The following TANGO6 variants were observed in gnomAD, a reference collection of about 807,000 sequenced individuals.
TANGO6 encodes the protein transport and golgi organization 6 homolog.
A neutral mutation model predicts 114.2 loss-of-function variants in TANGO6; 90 were observed. The observed-to-expected ratio is 0.79, with a 90% CI of 0.66 to 0.94. The LOEUF is 0.94. Ranked by LOEUF, TANGO6 falls within the 40% of genes least tolerant of loss-of-function variation. The pLI is 0.00. For synonymous variants in TANGO6, 477 were observed against 509.8 expected (o/e 0.94, Z 0.87); for missense variants, 1,274 against 1,315.3 (o/e 0.97, Z 0.49).
At chr16:68,896,880 T>C (rs1431238732) in intron 7 of TANGO6, among the ~76,000 whole-genome samples, 1 of 152,120 alleles carries the variant, frequency 6.6e-6, no homozygotes, top group African/African-American at 2.4e-5. Context: ...TACTAGTTGG[T>C]AAATTGGTAA....
At chr16:68,892,230 C>T (rs1597008158) in intron 7 of TANGO6, among the ~76,000 whole-genome samples, 1 of 152,188 alleles carries the variant, frequency 6.6e-6, no homozygotes, top group East Asian at 1.9e-4. Flanking sequence ...CTAAGATCAT[C>T]CTATCGCTTA....
chr16:68,983,760 G>A (rs143735588), intron 15 of TANGO6, among the ~76,000 whole-genome samples: 2 of 152,228 alleles, frequency 1.3e-5, no homozygotes, highest in East Asian at 1.9e-4. Context: ...AGGGCCGGGC[G>A]CGGTGGCTCA....
chr16:68,923,819 GTT>G (rs1292285442), intron 12 of TANGO6, among the ~76,000 whole-genome samples: 2 of 151,814 alleles, frequency 1.3e-5, no homozygotes, highest in African/African-American at 4.9e-5. Flanking sequence ...GTTTTGTTTT[GTT>G]TTGTTTTGTT....
At chr16:68,895,298 G>A (rs771104816) in intron 7 of TANGO6, among the ~76,000 whole-genome samples, 13 of 152,104 alleles carry the variant, frequency 8.5e-5, no homozygotes, top group African/African-American at 2.2e-4. Flanking sequence ...GCACTGAGGC[G>A]AGATCATGCC....
At chr16:68,860,593 T>G (rs1962079108) in intron 2 of TANGO6, 69 bp downstream of exon 2, 2 of 1,539,538 alleles carry the variant, frequency 1.3e-6, no homozygotes, top group Non-Finnish European at 1.7e-6. Context: ...TATTTGTGGA[T>G]AGTTGTTATA....
rs200848528 is a variant in TANGO6 at position 68,865,917 on chromosome 16, C to CA, written c.853-1150dup. On this transcript the variant is annotated intron_variant, in intron 3 of 17. Coordinates refer to ENST00000261778, the MANE Select transcript of TANGO6 (RefSeq NM_024562.2). ...TGGGCAACAGAGCAAGACTCCGTCT[C>CA]AAAAAAAAAAAAGAAATCCAACTCT... Among the ~76,000 whole-genome samples the CA allele has an allele frequency of 8.1e-3, 1,151 of 141,276 alleles. 10 individuals carry two copies. The highest frequency in any genetic ancestry group is 0.01 in the African/African-American group (393 of 38,232). The allele number at this position is 141,276 out of a possible 152,430, so 92.7% of individuals were successfully genotyped here.
At chr16:69,036,534 T>C (rs1257495191) in intron 16 of TANGO6, among the ~76,000 whole-genome samples, 2 of 152,114 alleles carry the variant, frequency 1.3e-5, no homozygotes, top group Non-Finnish European at 2.9e-5. Flanking sequence ...TGACTGCAGA[T>C]GGGTTTGGTG....
intron 7 of TANGO6, among the ~76,000 whole-genome samples, chr16:68,893,757 CAAAAAAAAAA>C (rs796651419): frequency 1.2e-5 from 1 of 84,190 alleles, no homozygotes; most frequent in Non-Finnish European, 2.6e-5. Flanking sequence ...AGAAAACAAC[CAAAAAAAAAA>C]AAAAAAAGGA....
At chr16:69,030,315 A>G (rs936203390) in intron 16 of TANGO6, among the ~76,000 whole-genome samples, 1 of 152,028 alleles carries the variant, frequency 6.6e-6, no homozygotes, top group African/African-American at 2.4e-5. Context: ...GATGGGTGCT[A>G]TGGGAGCACC....
chr16:69,060,772 T>G (rs1268947067), intron 17 of TANGO6, among the ~76,000 whole-genome samples: 1 of 151,698 alleles, frequency 6.6e-6, no homozygotes, highest in Non-Finnish European at 1.5e-5. Flanking sequence ...GGCGGGAGGA[T>G]CACAAGGTCA....
intron 7 of TANGO6, among the ~76,000 whole-genome samples, chr16:68,881,542 CAG>C (rs1332670524): frequency 3.3e-5 from 5 of 152,154 alleles, no homozygotes; most frequent in East Asian, 3.9e-4. Context: ...AAGAAATTGA[CAG>C]GGGCTTTTTC....
In TANGO6 at chr16:68,974,057, G is replaced by A. The variant is rs757165580; in HGVS notation, c.2731G>A (p.Glu911Lys). ...TGCCCTGCTGTCAGACGTCTATCCT[G>A]AGAAAATCTTGCCGGACTTGTTGGC... ...GVALLSDVYP[E>K]KILPDLLAQY... Residue 911 changes from glutamate (E) to lysine (K), a missense_variant, in exon 15 of 18, where the codon GAG becomes AAG. This residue lies in a region of TANGO6 where 238 missense variants were observed against 252.9 expected (regional missense o/e 0.94). Transcript: ENST00000261778. The A allele has an allele frequency of 1.9e-6, 3 of 1,612,080 alleles. No homozygotes were observed. Among genetic ancestry groups the A allele is most frequent in the South Asian group, 2.2e-5 (2 of 90,646 alleles).
chr16:69,077,144 G>C (rs1427365884), intron 17 of TANGO6, among the ~76,000 whole-genome samples: 1 of 151,960 alleles, frequency 6.6e-6, no homozygotes, highest in Non-Finnish European at 1.5e-5. Context: ...TGAGCTCTAG[G>C]GATCTTCCAG....
At chr16:69,075,394 G>A (rs1038544801) in intron 17 of TANGO6, among the ~76,000 whole-genome samples, 1 of 151,822 alleles carries the variant, frequency 6.6e-6, no homozygotes, top group African/African-American at 2.4e-5. Context: ...GTTTACACAT[G>A]CATATGTATT....
intron 17 of TANGO6, among the ~76,000 whole-genome samples, chr16:69,079,882 G>T (rs1331783776): frequency 4.1e-4 from 62 of 152,254 alleles, no homozygotes; most frequent in Non-Finnish European, 5.9e-5. Flanking sequence ...CTAGATATTT[G>T]TCCTACAGAT....
rs535089292 is a variant in TANGO6 at position 68,946,508 on chromosome 16, A to G, written c.2701+16213A>G. Among the ~76,000 whole-genome samples the G allele has an allele frequency of 2.6e-5, 4 of 151,856 alleles. No homozygotes were observed. In the South Asian group the frequency reaches 8.3e-4, roughly 32 times the overall value. On this transcript the variant is annotated intron_variant, in intron 14 of 17. Transcript: ENST00000261778. ...CGCGCCCGGCCTTTTCTTTTCTTTT[A>G]AGACAGGGTCTTACTCTCACCCAAG...
At chr16:68,847,333 G>A (rs1192129893) in intron 1 of TANGO6, among the ~76,000 whole-genome samples, 2 of 152,114 alleles carry the variant, frequency 1.3e-5, no homozygotes, top group Admixed American at 1.3e-4. Flanking sequence ...GACCCCCTGA[G>A]AGGGTCTTGG....
Position 68,843,721 on chromosome 16 carries a change from C to T in TANGO6, c.94+10C>T, listed in dbSNP as rs767376796. On this transcript the variant is annotated intron_variant, in intron 1 of 17. Transcript: ENST00000261778. ...CTGCTGAGCCCGGGAGGTGAGAGGA[C>T]GCATCTCCGCGCCGGGCTGGACCCG... The T allele has an allele frequency of 6.8e-6, 11 of 1,613,000 alleles. 1 individual carries two copies. Among genetic ancestry groups the T allele is most frequent in the Middle Eastern group, 1.6e-4 (1 of 6,078 alleles).
intron 14 of TANGO6, among the ~76,000 whole-genome samples, chr16:68,959,586 C>T (rs1963569888): frequency 6.6e-6 from 1 of 151,818 alleles, no homozygotes; most frequent in South Asian, 2.1e-4. Context: ...GACTCCATCT[C>T]AAAATAAAAT....
Sources: allele counts gnomAD v4.1 joint callset (sites outside exome capture counted in the v4.1 genomes callset), GRCh38; gene constraint gnomAD v4.1.1; regional missense constraint gnomAD v4.1.1; transcripts MANE v1.5; gene names NCBI Gene and HGNC (gene_info 2026-07-23, HGNC 2026-07-21).